The following KCNH8 variants were observed in gnomAD, a reference collection of about 807,000 sequenced individuals.
KCNH8 encodes the protein voltage-gated delayed rectifier potassium channel KCNH8.
In KCNH8, 70 loss-of-function variants were observed where a neutral mutation model predicts 103.6. That is an observed-to-expected ratio of 0.68 (90% CI 0.56 to 0.82). The LOEUF is 0.82. Among genes scored for constraint, KCNH8 ranks in the 40% least tolerant of loss-of-function variants. The pLI is 0.00. For synonymous variants in KCNH8, 498 were observed against 489.4 expected (o/e 1.02, Z -0.23); for missense variants, 1,217 against 1,329.9 (o/e 0.92, Z 1.32).
chr3:19,514,381 T>A (rs1043622636), intron 13 of KCNH8, among the ~76,000 whole-genome samples: 1 of 152,008 alleles, frequency 6.6e-6, no homozygotes, highest in East Asian at 1.9e-4. Flanking sequence ...TGCTTAACTC[T>A]TCTTCCTAAG....
In KCNH8 at chr3:19,512,972, A is replaced by C. The variant is rs1301281983; in HGVS notation, c.2082A>C (p.Ser694=). 5.6e-6 allele frequency: 9 copies of C among 1,612,392 alleles called. No homozygotes were observed. Among genetic ancestry groups the C allele is most frequent in the Non-Finnish European group, 7.6e-6 (9 of 1,179,338 alleles). ...ATTTATATTATCCACTGATTTAGTC[A>C]GAGCCCAAGGGAAATGGCAACATCA... ...RLSNKSMVSQ[S]EPKGNGNINK... is the part of the protein sequence containing the mutation. Residue 694 remains serine, a splice_region_variant and synonymous_variant, in exon 13 of 16, where the codon TCA becomes TCC. Coordinates refer to ENST00000328405, the MANE Select transcript of KCNH8 (RefSeq NM_144633.3).
intron 1 of KCNH8, among the ~76,000 whole-genome samples, chr3:19,241,756 T>C (rs1449059996): frequency 2.7e-5 from 4 of 147,540 alleles, no homozygotes; most frequent in African/African-American, 1.1e-4. Flanking sequence ...ACACACATGC[T>C]TGATAGAAGA....
At chr3:19,203,303 C>G (rs1209348791) in intron 1 of KCNH8, among the ~76,000 whole-genome samples, 1 of 151,642 alleles carries the variant, frequency 6.6e-6, no homozygotes, top group African/African-American at 2.4e-5. Flanking sequence ...GCTAAAGATT[C>G]AAAATAATCA....
At chr3:19,526,985 G>GC (rs1479917829) in intron 15 of KCNH8, among the ~76,000 whole-genome samples, 2 of 151,818 alleles carry the variant, frequency 1.3e-5, no homozygotes, top group African/African-American at 4.8e-5. Context: ...TGCCCTACCT[G>GC]CCCCCCAGCT....
chr3:19,170,802 A>ATT (rs1559407135), intron 1 of KCNH8, among the ~76,000 whole-genome samples: 1 of 100,614 alleles, frequency 9.9e-6, no homozygotes, highest in African/African-American at 4.9e-5. Flanking sequence ...ATATATATAT[A>ATT]TATATATATT....
intron 7 of KCNH8, among the ~76,000 whole-genome samples, chr3:19,408,291 G>A (rs1014224969): frequency 6.6e-6 from 1 of 151,944 alleles, no homozygotes; most frequent in Non-Finnish European, 1.5e-5. Flanking sequence ...ACAGCCCCTA[G>A]GGTGGAAGGG....
intron 1 of KCNH8, among the ~76,000 whole-genome samples, chr3:19,232,567 T>A (rs1559433915): frequency 6.6e-6 from 1 of 152,190 alleles, no homozygotes; most frequent in African/African-American, 2.4e-5. Flanking sequence ...AAAAAGGTAC[T>A]CCTGGTGGAC....
chr3:19,188,645 C>T (rs1472744361), intron 1 of KCNH8, among the ~76,000 whole-genome samples: 1 of 151,990 alleles, frequency 6.6e-6, no homozygotes, highest in African/African-American at 2.4e-5. Flanking sequence ...CCATTATTTG[C>T]TTAGCTACAT....
At chr3:19,403,989 G>A (rs1215615221) in intron 7 of KCNH8, among the ~76,000 whole-genome samples, 10 of 151,888 alleles carry the variant, frequency 6.6e-5, no homozygotes, top group African/African-American at 2.4e-4. Context: ...CCTGAAATTT[G>A]TGTGAGGAGG....
chr3:19,331,744 A>G (rs1430486468), intron 3 of KCNH8, among the ~76,000 whole-genome samples: 1 of 152,216 alleles, frequency 6.6e-6, no homozygotes, highest in Non-Finnish European at 1.5e-5. Flanking sequence ...TGTTACAAAC[A>G]TTCCAATTAT....
chr3:19,483,038 T>C (rs1354239766), intron 11 of KCNH8, among the ~76,000 whole-genome samples: 1 of 135,910 alleles, frequency 7.4e-6, no homozygotes, highest in Non-Finnish European at 1.5e-5. Context: ...CAGGGGGCTA[T>C]TTTTTTTTTA....
Position 19,376,262 on chromosome 3 carries a change from G to A in KCNH8, c.812-14219G>A, listed in dbSNP as rs566714363. 1.1e-3 allele frequency among the ~76,000 whole-genome samples: 168 copies of A among 152,332 alleles called. 2 individuals are homozygous for A. Among genetic ancestry groups the A allele is most frequent in the African/African-American group, 3.7e-3 (154 of 41,582 alleles). Reference sequence around the variant, plus strand: ...TAGCAATCAGCGAGACTCTGTGGGCGTAGGACCCTCTGAGCCAGGTGCAGG... The same window carrying A: ...TAGCAATCAGCGAGACTCTGTGGGCATAGGACCCTCTGAGCCAGGTGCAGG... On this transcript the variant is annotated intron_variant, in intron 5 of 15. Coordinates refer to ENST00000328405, the MANE Select transcript of KCNH8 (RefSeq NM_144633.3).
intron 5 of KCNH8, among the ~76,000 whole-genome samples, chr3:19,373,928 A>T (rs908850783): frequency 6.6e-6 from 1 of 151,860 alleles, no homozygotes; most frequent in African/African-American, 2.4e-5. Flanking sequence ...TTTGAGTGAG[A>T]TTCTTAATCC....
At chr3:19,499,824 G>A (rs941102104) in intron 11 of KCNH8, among the ~76,000 whole-genome samples, 13 of 152,056 alleles carry the variant, frequency 8.5e-5, no homozygotes, top group South Asian at 4.2e-4. Context: ...GGTACCAGCC[G>A]CTGCAAAATC....
At chr3:19,420,957 G>C (rs928241779) in intron 7 of KCNH8, among the ~76,000 whole-genome samples, 3 of 151,090 alleles carry the variant, frequency 2.0e-5, no homozygotes, top group African/African-American at 7.3e-5. Flanking sequence ...TATGTTGACT[G>C]TGTGTGTGTG....
intron 11 of KCNH8, among the ~76,000 whole-genome samples, chr3:19,507,884 G>A (rs185102937): frequency 3.0e-4 from 45 of 152,226 alleles, no homozygotes; most frequent in Non-Finnish European, 5.7e-4. Context: ...AGGAAAACAC[G>A]GAGCTGCTAC....
chr3:19,401,587 AC>A (rs1437355511), intron 7 of KCNH8, among the ~76,000 whole-genome samples: 1 of 151,992 alleles, frequency 6.6e-6, no homozygotes, highest in Non-Finnish European at 1.5e-5. Context: ...CTTCTAGAAA[AC>A]AGAAAATATT....
At chr3:19,196,634 A>C (rs2063605111) in intron 1 of KCNH8, among the ~76,000 whole-genome samples, 1 of 152,022 alleles carries the variant, frequency 6.6e-6, no homozygotes, top group South Asian at 2.1e-4. Flanking sequence ...GGATGTGTGA[A>C]TACATCATGC....
At chr3:19,316,246 T>C (rs1367178873) in intron 3 of KCNH8, among the ~76,000 whole-genome samples, 1 of 151,878 alleles carries the variant, frequency 6.6e-6, no homozygotes, top group African/African-American at 2.4e-5. Flanking sequence ...TTGTGCATTG[T>C]AGGATTTTTA....
Sources: allele counts gnomAD v4.1 joint callset (sites outside exome capture counted in the v4.1 genomes callset), GRCh38; gene constraint gnomAD v4.1.1; transcripts MANE v1.5; gene names NCBI Gene and HGNC (gene_info 2026-07-23, HGNC 2026-07-21).